The following LRP1 variants were observed in gnomAD, a reference collection of about 807,000 sequenced individuals.
The protein encoded by LRP1 is LDL receptor related protein 1, also known as prolow-density lipoprotein receptor-related protein 1.
LRP1 carries 51 observed loss-of-function variants against 541.5 expected under a neutral mutation model. The observed-to-expected ratio is 0.09, with a 90% CI of 0.08 to 0.12. The LOEUF is 0.12. Ranked by LOEUF, LRP1 falls within the 10% of genes least tolerant of loss-of-function variation. The pLI, the probability that LRP1 is intolerant of heterozygous loss-of-function variation, is 1.00. For missense variants in LRP1, 3,878 were observed against 6,376.2 expected (o/e 0.61, Z 13.34); for synonymous variants, 2,219 against 2,470.8 (o/e 0.90, Z 3.02).
chr12:57,197,796 T>A lies in LRP1; in HGVS notation c.9282+132T>A, dbSNP rs747635089. The A allele has an allele frequency of 8.7e-5, 90 of 1,033,670 alleles. No individual in the cohort carries two copies. Among genetic ancestry groups the A allele is most frequent in the Non-Finnish European group, 1.1e-4 (81 of 722,836 alleles). The allele number at this position is 1,033,670 out of a possible 1,614,324, so 64.0% of individuals were successfully genotyped here. On this transcript the variant is annotated intron_variant, in intron 58 of 88. Transcript: ENST00000243077. This position sits in a 1 kb window ranked among gnomAD's most constrained non-coding sequence, Gnocchi z 4.5. ...CACTAGTCACTATATGACTGCTTGT[T>A]CTAGCTGCTCACTCTCCTCTGGGCC...
Position 57,198,142 on chromosome 12 carries a change from G to A in LRP1, c.9283-14G>A. ...GGTCACCCAGAGCTCTCCCTCCCCT[G>A]CCCCTTCCTGCAGGTCCTACACCGT... On this transcript the variant is annotated splice_polypyrimidine_tract_variant and intron_variant, in intron 58 of 88. Coordinates refer to ENST00000243077, the MANE Select transcript of LRP1 (RefSeq NM_002332.3). 1 of 1,592,110 alleles carries A rather than the reference G, an allele frequency of 6.3e-7. No homozygotes were observed.
Position 57,178,689 on chromosome 12 carries a change from G to A in LRP1, c.4606+86G>A. 3.2e-6 allele frequency: 5 copies of A among 1,584,558 alleles called. No individual in the cohort carries two copies. Among genetic ancestry groups the A allele is most frequent in the Non-Finnish European group, 4.3e-6 (5 of 1,163,204 alleles). ...GAAGCTCTTAGGAGAGGAGAGGGCAGTGAGAACAGGAGCAAGTCTGTGCTG... is the reference window on the plus strand; with the variant it reads ...GAAGCTCTTAGGAGAGGAGAGGGCAATGAGAACAGGAGCAAGTCTGTGCTG... On this transcript the variant is annotated intron_variant, in intron 27 of 88. Transcript: ENST00000243077. The surrounding 1 kb of genome is among the most constrained non-coding windows in gnomAD (Gnocchi z 5.8).
Position 57,204,217 on chromosome 12 carries a change from A to G in LRP1, c.10952-193A>G. The stretch of plus-strand genomic sequence containing the variant: ...GAACTCCTCCAGACACCCCTGAAAA[A>G]TGGCCTCTTCTCCCCTAAATACCAG... On this transcript the variant is annotated intron_variant, in intron 70 of 88. Coordinates refer to ENST00000243077, the MANE Select transcript of LRP1 (RefSeq NM_002332.3). The surrounding 1 kb of genome is among the most constrained non-coding windows in gnomAD (Gnocchi z 5.3). The G allele has an allele frequency of 1.8e-6, 1 of 562,666 alleles. No individual in the cohort carries two copies. The highest frequency in any genetic ancestry group is 3.0e-6 in the Non-Finnish European group (1 of 334,436). The allele number at this position is 562,666 out of a possible 1,614,324, so 34.9% of individuals were successfully genotyped here.
At chr12:57,203,069 C>T in intron 68 of LRP1, 112 bp from the exon 69 acceptor site, 1 of 785,518 alleles carries the variant, frequency 1.3e-6, no homozygotes, top group Non-Finnish European at 2.0e-6. Flanking sequence ...GGTCAGTCAG[C>T]TGTGGCCTTC....
At position 57,175,972 on chromosome 12, in the gene LRP1, A is replaced by G. The variant is rs770686169; in HGVS notation, c.3857A>G (p.Lys1286Arg). ...RHEIRRIDLH[K>R]GDYSVLVPGL... ...GAAATCCGGCGCATCGATCTTCACA[A>G]AGGAGACTACAGCGTCCTGGTGCCC... The change falls in exon 24 of 89, where the codon AAA (lysine) becomes AGA (arginine). Residue 1286 changes from lysine (K) to arginine (R), a missense_variant. Coordinates refer to ENST00000243077, the MANE Select transcript of LRP1 (RefSeq NM_002332.3). 6.2e-7 allele frequency: 1 copy of G among 1,614,186 alleles called. No individual in the cohort carries two copies. Among genetic ancestry groups the G allele is most frequent in the Admixed American group, 1.7e-5 (1 of 60,028 alleles).
chr12:57,198,567 C>T lies in LRP1; in HGVS notation c.9573C>T (p.Pro3191=), dbSNP rs141621612. The change falls in exon 60 of 89, where the codon CCC becomes CCT. Residue 3191 remains proline, a synonymous_variant. Transcript: ENST00000243077. ...SVIVDTKITW[P]NGLTLDYVTE... ...TCGTGGACACCAAGATCACATGGCCCAATGGCCTGACGCTGGACTATGTCA... is the reference window on the plus strand; with the variant it reads ...TCGTGGACACCAAGATCACATGGCCTAATGGCCTGACGCTGGACTATGTCA... 6.9e-5 allele frequency: 112 copies of T among 1,613,968 alleles called. No individual in the cohort carries two copies. In the African/African-American group the frequency reaches 1.3e-3, roughly 18 times the overall value.
Position 57,156,891 on chromosome 12 carries a change from G to T in LRP1, c.1532G>T (p.Ser511Ile). The T allele has an allele frequency of 6.3e-7, 1 of 1,591,126 alleles. No homozygotes were observed. Residue 511 changes from serine (S) to isoleucine (I), a missense_variant, in exon 10 of 89, where the codon AGC becomes ATC. Ser to Ile is a moderately radical substitution (Grantham distance 142, BLOSUM62 -2). Transcript: ENST00000243077. The surrounding 1 kb of genome is among the most constrained non-coding windows in gnomAD (Gnocchi z 5.2). Reference protein sequence around the residue: ...ARTCRCRSGFSLGSDGKSCKK... With the variant: ...ARTCRCRSGFILGSDGKSCKK... The stretch of plus-strand genomic sequence containing the variant: ...ACCTGCCGCTGCCGTTCCGGCTTCA[G>T]CCTGGGCAGTGACGGGAAGTCATGC...
Position 57,128,799 on chromosome 12 carries a change from C to T in LRP1, c.-166C>T. ...GGCCCTCCCCAAGGGGCTCGGAACT[C>T]TACCTCTTCACCCACGCCCCTGGTG... is the stretch of plus-strand genomic sequence containing the variant. On this transcript the variant is annotated 5_prime_UTR_variant, in exon 1 of 89. Coordinates refer to ENST00000243077, the MANE Select transcript of LRP1 (RefSeq NM_002332.3). 1 of 584,272 alleles carries T rather than the reference C, an allele frequency of 1.7e-6. No homozygotes were observed. Among genetic ancestry groups the T allele is most frequent in the East Asian group, 3.0e-5 (1 of 33,676 alleles). 36.2% of individuals were successfully genotyped at this position (584,272 alleles called of 1,614,324 possible). A position where few individuals can be genotyped will look rare whatever the true frequency, so the allele number is the denominator to read the frequency against.
chr12:57,153,608 G>T (rs1229565066), intron 6 of LRP1, among the ~76,000 whole-genome samples: 1 of 152,152 alleles, frequency 6.6e-6, no homozygotes, highest in East Asian at 1.9e-4. Flanking sequence ...AGGGGACTGG[G>T]GCTGAGTAGA....
chr12:57,166,599 G>A (rs1009905076), intron 17 of LRP1, among the ~76,000 whole-genome samples: 6 of 152,140 alleles, frequency 3.9e-5, no homozygotes, highest in Admixed American at 1.3e-4. Context: ...TTAGGGCAGA[G>A]GGGATGGAGC....
chr12:57,185,811 T>C lies in LRP1; in HGVS notation c.6744T>C (p.Ser2248=). 1 of 1,614,168 alleles carries C rather than the reference T, an allele frequency of 6.2e-7. No individual in the cohort carries two copies. The highest frequency in any genetic ancestry group is 8.5e-7 in the Non-Finnish European group (1 of 1,180,032). ...CCTTTGACTACCGGGCAGGCACCTCTCCGGGCACCCCCAATCGCATCTTCT... is the reference window on the plus strand; with the variant it reads ...CCTTTGACTACCGGGCAGGCACCTCCCCGGGCACCCCCAATCGCATCTTCT... ...ALAFDYRAGT[S]PGTPNRIFFS... is the part of the protein sequence containing the mutation. Residue 2248 remains serine (S), a synonymous_variant, in exon 41 of 89, where the codon TCT becomes TCC. Transcript: ENST00000243077. The surrounding 1 kb of genome is among the most constrained non-coding windows in gnomAD (Gnocchi z 4.9).
At chr12:57,209,997 C>T in intron 80 of LRP1, 32 bp from the exon 81 acceptor site, 4 of 1,588,488 alleles carry the variant, frequency 2.5e-6, no homozygotes, top group East Asian at 4.5e-5. Context: ...GGGTCCTGCT[C>T]AGCATCCTCC....
chr12:57,209,168 G>C lies in LRP1; in HGVS notation c.12231G>C (p.Thr4077=). The change falls in exon 79 of 89, where the codon ACG becomes ACC. Residue 4077 remains threonine (T), a synonymous_variant. Coordinates refer to ENST00000243077, the MANE Select transcript of LRP1 (RefSeq NM_002332.3). Reference sequence around the variant, plus strand: ...TCGGCAGCATCCGGCTCAATGGCACGGACCCCATTGTGGCTGCTGACAGCA... The same window carrying C: ...TCGGCAGCATCCGGCTCAATGGCACCGACCCCATTGTGGCTGCTGACAGCA... ...SVIGSIRLNG[T]DPIVAADSKR... 1 of 1,613,984 alleles carries C rather than the reference G, an allele frequency of 6.2e-7. No individual in the cohort carries two copies. The highest frequency in any genetic ancestry group is 8.5e-7 in the Non-Finnish European group (1 of 1,179,954).
At chr12:57,159,684 A>G in intron 11 of LRP1, 141 bp from the exon 12 acceptor site, 1 of 697,202 alleles carries the variant, frequency 1.4e-6, no homozygotes, top group Admixed American at 2.7e-5. Flanking sequence ...ACCCCCACCC[A>G]TCTGTCTAGG....
At position 57,169,397 on chromosome 12, in the gene LRP1, G is replaced by A. The variant is rs1592627480; in HGVS notation, c.3163+90G>A. The A allele has an allele frequency of 6.2e-6, 8 of 1,285,046 alleles. No individual in the cohort carries two copies. In the East Asian group the frequency reaches 2.1e-4, roughly 33 times the overall value. 79.6% of individuals were successfully genotyped at this position (1,285,046 alleles called of 1,614,324 possible). On this transcript the variant is annotated intron_variant, in intron 20 of 88. Transcript: ENST00000243077. ...TCCATCTGTCTTTCAGACCCACGGT[G>A]TGTCGGCCACCATCTGGGAGCCAGA...
At chr12:57,207,905 G>C (rs545990863) in intron 76 of LRP1, 133 bp from the exon 77 acceptor site, 1 of 976,048 alleles carries the variant, frequency 1.0e-6, no homozygotes, top group Non-Finnish European at 1.5e-6. Context: ...GCTCCATGCC[G>C]GTTGAATCTC....
chr12:57,129,015 C>G lies in LRP1; in HGVS notation c.51C>G (p.Val17=). ...LLLLPLLSAL[V]AAAIDAPKTC... is the part of the protein sequence containing the mutation. Reference sequence around the variant, plus strand: ...TGCTGCCCCTGCTCTCAGCTCTGGTCGCGGCGGCTATCGACGGTGAGTGAG... The same window carrying G: ...TGCTGCCCCTGCTCTCAGCTCTGGTGGCGGCGGCTATCGACGGTGAGTGAG... Residue 17 remains valine, a synonymous_variant, in exon 1 of 89, where the codon GTC becomes GTG. Coordinates refer to ENST00000243077, the MANE Select transcript of LRP1 (RefSeq NM_002332.3). 6.4e-7 allele frequency: 1 copy of G among 1,551,496 alleles called. No individual in the cohort carries two copies. Among genetic ancestry groups the G allele is most frequent in the East Asian group, 2.4e-5 (1 of 40,892 alleles).
Position 57,156,218 on chromosome 12 carries a change from A to G in LRP1, c.1352A>G (p.Gln451Arg). Residue 451 changes from glutamine (Q) to arginine (R), a missense_variant, in exon 9 of 89, where the codon CAG (glutamine) becomes CGG (arginine). By Grantham distance (43) the Gln-to-Arg change is conservative. Coordinates refer to ENST00000243077, the MANE Select transcript of LRP1 (RefSeq NM_002332.3). This position sits in a 1 kb window ranked among gnomAD's most constrained non-coding sequence, Gnocchi z 5.2. ...AACCGCTTTAACAGCACCGAGTACC[A>G]GGTTGTCACCCGGGTGGACAAGGGT... ...RVNRFNSTEY[Q>R]VVTRVDKGGA... is the part of the protein sequence containing the mutation. 6.2e-7 allele frequency: 1 copy of G among 1,614,156 alleles called. No individual in the cohort carries two copies. Among genetic ancestry groups the G allele is most frequent in the Admixed American group, 1.7e-5 (1 of 60,028 alleles).
Position 57,200,826 on chromosome 12 carries a change from G to GGCCACCCCCCCCCCCCC in LRP1, c.10225+11_10225+12insGCCACCCCCCCCCCCCC. 1 of 1,581,438 alleles carries GGCCACCCCCCCCCCCCC rather than the reference G, an allele frequency of 6.3e-7. No homozygotes were observed. Among genetic ancestry groups the GGCCACCCCCCCCCCCCC allele is most frequent in the Non-Finnish European group, 8.6e-7 (1 of 1,157,680 alleles). ...ACGAGGCCAACTGTGGTAAGGCGCT[G>GGCCACCCCCCCCCCCCC]CCCGCCCACCCTCCCTCCTTCCCCA... is the stretch of plus-strand genomic sequence containing the variant. On this transcript the variant is annotated intron_variant, in intron 64 of 88. Coordinates refer to ENST00000243077, the MANE Select transcript of LRP1 (RefSeq NM_002332.3).
Sources: allele counts gnomAD v4.1 joint callset (sites outside exome capture counted in the v4.1 genomes callset), GRCh38; gene constraint gnomAD v4.1.1; non-coding constraint Gnocchi (gnomAD v3.1); transcripts MANE v1.5; gene names NCBI Gene and HGNC (gene_info 2026-07-23, HGNC 2026-07-21).